SLC28A3: variants seen among roughly 807,000 people sequenced by gnomAD.
The protein encoded by SLC28A3 is solute carrier family 28 member 3.
In SLC28A3, 68 loss-of-function variants were observed where a neutral mutation model predicts 84.2. That is an observed-to-expected ratio of 0.81 (90% confidence interval 0.66 to 0.99). The LOEUF (loss-of-function observed/expected upper bound fraction) is 0.99. Ranked by LOEUF, SLC28A3 falls within the 50% of genes least tolerant of loss-of-function variation. The pLI, the probability that SLC28A3 is intolerant of heterozygous loss-of-function variation, is 0.00. For synonymous variants in SLC28A3, 267 were observed against 303.6 expected, an observed-to-expected ratio of 0.88 and a Z score of 1.25; for missense variants, 712 against 841.5, an observed-to-expected ratio of 0.85 and a Z score of 1.90.
chr9:84,305,937 T>G (rs906695239), intron 3 of SLC28A3, among the ~76,000 whole-genome samples: 12 of 152,162 alleles, frequency 7.9e-5, no homozygotes, highest in African/African-American at 2.7e-4. Flanking sequence ...GCTCTGGAGT[T>G]GTTGGAATGT....
At chr9:84,297,558 T>G (rs1184583936) in intron 7 of SLC28A3, among the ~76,000 whole-genome samples, 1 of 152,192 alleles carries the variant, frequency 6.6e-6, no homozygotes, top group South Asian at 2.1e-4. Context: ...TGTGGCAATG[T>G]GTTGGGAGCC....
At chr9:84,323,065 G>C (rs919441319) in intron 1 of SLC28A3, among the ~76,000 whole-genome samples, 1 of 152,118 alleles carries the variant, frequency 6.6e-6, no homozygotes, top group Non-Finnish European at 1.5e-5. Flanking sequence ...TGACTACTCA[G>C]AGTGGCATGC....
the SLC28A3 span, among the ~76,000 whole-genome samples, chr9:84,366,789 A>C: frequency 1.3e-5 from 2 of 152,188 alleles, no homozygotes; most frequent in Admixed American, 1.3e-4. Flanking sequence ...GTGGAGCGAC[A>C]CAAGCACCTC....
chr9:84,278,906 A>G (rs1025419216), intron 17 of SLC28A3, among the ~76,000 whole-genome samples: 1 of 152,166 alleles, frequency 6.6e-6, no homozygotes, highest in Admixed American at 6.5e-5. Flanking sequence ...ATAGTGCCCA[A>G]CTTATACAGT....
Position 84,298,903 on chromosome 9 carries a change from G to C in SLC28A3, c.669+678C>G, listed in dbSNP as rs148936248. ...TTCATCTGTGGTGCAGGGCTGAGTG[G>C]CTTCAAAAGAACTATGGCATCGGAG... On this transcript the variant is annotated intron_variant, in intron 6 of 17. Transcript: ENST00000376238. Among the ~76,000 whole-genome samples, 510 of 152,332 alleles carry C rather than the reference G, an allele frequency of 3.3e-3. 3 individuals carry two copies. Among genetic ancestry groups the C allele is most frequent in the Non-Finnish European group, 5.1e-3 (346 of 68,026 alleles).
chr9:84,363,220 G>T, the SLC28A3 span, among the ~76,000 whole-genome samples: 26 of 152,150 alleles, frequency 1.7e-4, no homozygotes, highest in Non-Finnish European at 3.4e-4. Flanking sequence ...ACTAATCTGG[G>T]ATGTTCTTAT....
At chr9:84,334,808 C>T (rs549325559) in intron 1 of SLC28A3, among the ~76,000 whole-genome samples, 1 of 152,006 alleles carries the variant, frequency 6.6e-6, no homozygotes, top group African/African-American at 2.4e-5. Context: ...CCAACCCTAG[C>T]GTCACCAGTA....
chr9:84,283,347 ACTAT>A (rs1194376526), intron 14 of SLC28A3, among the ~76,000 whole-genome samples: 6 of 152,272 alleles, frequency 3.9e-5, no homozygotes, highest in African/African-American at 7.2e-5. Flanking sequence ...TCATTTTAAC[ACTAT>A]CTATCTCTGA....
intron 1 of SLC28A3, among the ~76,000 whole-genome samples, chr9:84,331,507 A>T (rs1044323736): frequency 2.0e-5 from 3 of 152,158 alleles, no homozygotes; most frequent in African/African-American, 7.2e-5. Context: ...TGTAAACTCC[A>T]TTTAACAAAC....
intron 1 of SLC28A3, among the ~76,000 whole-genome samples, chr9:84,330,465 A>G (rs1826737587): frequency 6.6e-6 from 1 of 152,230 alleles, no homozygotes; most frequent in African/African-American, 2.4e-5. Flanking sequence ...GGGTGATCCA[A>G]TAGAATAACC....
intron 8 of SLC28A3, among the ~76,000 whole-genome samples, chr9:84,295,411 C>G (rs140506034): frequency 1.3e-5 from 2 of 151,954 alleles, no homozygotes; most frequent in African/African-American, 4.8e-5. Flanking sequence ...ATGGCGAAAC[C>G]CTGTCTCTAC....
intron 1 of SLC28A3, among the ~76,000 whole-genome samples, chr9:84,328,276 G>C (rs1826644789): frequency 6.7e-6 from 1 of 148,798 alleles, no homozygotes; most frequent in Non-Finnish European, 1.5e-5. Context: ...TAATTAAAAG[G>C]CAGAGATTTG....
At chr9:84,346,207 T>G in the SLC28A3 span, among the ~76,000 whole-genome samples, 1 of 152,196 alleles carries the variant, frequency 6.6e-6, no homozygotes, top group Admixed American at 6.5e-5. Context: ...AAAACTCAGC[T>G]TATAAAAATT....
intron 9 of SLC28A3, 113 bp from the exon 10 acceptor site, chr9:84,292,861 T>A: frequency 1.5e-6 from 1 of 663,622 alleles, no homozygotes; most frequent in Non-Finnish European, 2.4e-6. Context: ...TCAACATTTG[T>A]CAGCAAGCTA....
chr9:84,341,433 G>T (rs1429964340), upstream of SLC28A3, among the ~76,000 whole-genome samples: 1 of 152,130 alleles, frequency 6.6e-6, no homozygotes, highest in Non-Finnish European at 1.5e-5. Context: ...TGGATAGATG[G>T]ATAGATACAT....
chr9:84,367,177 G>A, the SLC28A3 span, among the ~76,000 whole-genome samples: 1 of 152,058 alleles, frequency 6.6e-6, no homozygotes, highest in East Asian at 1.9e-4. Context: ...GCCACGGGGA[G>A]TACTCCACAG....
intron 1 of SLC28A3, among the ~76,000 whole-genome samples, chr9:84,319,308 T>G (rs549816478): frequency 1.1e-4 from 17 of 152,294 alleles, no homozygotes; most frequent in African/African-American, 3.4e-4. Context: ...TTGTTCCAAA[T>G]GCATTGATGT....
the SLC28A3 span, among the ~76,000 whole-genome samples, chr9:84,345,940 G>T: frequency 1.9e-4 from 29 of 152,246 alleles, no homozygotes; most frequent in Non-Finnish European, 3.4e-4. Context: ...TTAGGAAATA[G>T]AAATTGTGAT....
Position 84,297,961 on chromosome 9 carries a change from A to G in SLC28A3, c.728T>C (p.Ile243Thr). The change falls in exon 7 of 18, where the codon ATT (isoleucine) becomes ACT (threonine). Residue 243 changes from isoleucine (I) to threonine (T), a missense_variant. Ile to Thr is a moderately conservative substitution (Grantham distance 89). Coordinates refer to ENST00000376238, the MANE Select transcript of SLC28A3 (RefSeq NM_001199633.2). ...TATAAATCCAGGGTCAGTCCTTAGA[A>G]TCAAGAGCCCAAGAAGAAACTGTAG... ...IGLQFLLGLL[I>T]LRTDPGFIAF... The G allele has an allele frequency of 6.2e-7, 1 of 1,612,712 alleles. No individual in the cohort carries two copies. The highest frequency in any genetic ancestry group is 8.5e-7 in the Non-Finnish European group (1 of 1,179,730).
Sources: gnomAD v4.1 joint callset for allele counts (sites outside exome capture counted in the v4.1 genomes callset) on GRCh38, gnomAD v4.1.1 for gene constraint, MANE v1.5 for transcripts, NCBI Gene and HGNC (gene_info 2026-07-23, HGNC 2026-07-21) for gene names.